FOCAD: variants seen among roughly 807,000 people sequenced by gnomAD.
FOCAD encodes the protein KIAA1797.
FOCAD carries 198 observed loss-of-function variants against 225.6 expected under a neutral mutation model. The ratio of observed to expected loss-of-function variants is 0.88; its 90% CI spans 0.78 to 0.99. The LOEUF (loss-of-function observed/expected upper bound fraction) is 0.99, where lower values mean the gene tolerates loss of function less well. Ranked by LOEUF, FOCAD falls within the 50% of genes least tolerant of loss-of-function variation. The pLI, the probability that FOCAD is intolerant of heterozygous loss-of-function variation, is 0.00. For missense variants in FOCAD, 2,713 were observed against 2,123.6 expected, an observed-to-expected ratio of 1.28 and a Z score of -5.46; for synonymous variants, 897 against 755.0, an observed-to-expected ratio of 1.19 and a Z score of -3.08.
At chr9:20,830,027 A>T (rs188404095) in intron 15 of FOCAD, among the ~76,000 whole-genome samples, 20 of 152,214 alleles carry the variant, frequency 1.3e-4, no homozygotes, top group South Asian at 6.2e-4. Flanking sequence ...AATTGCCCAA[A>T]TTCATACAAC....
At chr9:20,815,936 A>G (rs1823685475) in intron 11 of FOCAD, among the ~76,000 whole-genome samples, 1 of 152,164 alleles carries the variant, frequency 6.6e-6, no homozygotes, top group South Asian at 2.1e-4. Flanking sequence ...ATGTCTATCT[A>G]TATCTGTGTT....
At chr9:20,666,965 A>C (rs1563864705) in intron 2 of FOCAD, among the ~76,000 whole-genome samples, 1 of 152,138 alleles carries the variant, frequency 6.6e-6, no homozygotes, top group African/African-American at 2.4e-5. Flanking sequence ...TGGCAAAAAC[A>C]AACAAACAAA....
chr9:20,666,346 G>A (rs1821899370), intron 2 of FOCAD, among the ~76,000 whole-genome samples: 1 of 152,148 alleles, frequency 6.6e-6, no homozygotes, highest in Non-Finnish European at 1.5e-5. Context: ...TGAGGTGGAA[G>A]ATTGCTTGAG....
At position 20,695,281 on chromosome 9, in the gene FOCAD, CT is replaced by C. The variant is rs377073498; in HGVS notation, c.-33+10992del. On this transcript the variant is annotated intron_variant, in intron 1 of 43. Transcript: ENST00000338382. ...GAGGATACAATGTGTGGTATTCTTA[CT>C]TTTAGTGATGCTAAGATGAATCAAT... is the stretch of plus-strand genomic sequence containing the variant. 2.3e-4 allele frequency among the ~76,000 whole-genome samples: 35 copies of C among 152,206 alleles called. No individual in the cohort carries two copies. The East Asian group carries it at 5.6e-3, about 24-fold the overall frequency.
chr9:20,923,901 A>G (rs1587624975), intron 25 of FOCAD, 133 bp downstream of exon 25: 2 of 643,094 alleles, frequency 3.1e-6, no homozygotes, highest in Non-Finnish European at 2.7e-6. Flanking sequence ...ATGGGCCTTT[A>G]TACTGTGAGC....
At chr9:20,972,960 C>G (rs1362790122) in intron 35 of FOCAD, among the ~76,000 whole-genome samples, 1 of 150,308 alleles carries the variant, frequency 6.7e-6, no homozygotes, top group Non-Finnish European at 1.5e-5. Context: ...CTTCTGCTTT[C>G]TGCAGCTGAT....
intron 26 of FOCAD, among the ~76,000 whole-genome samples, chr9:20,927,340 C>G (rs1430739194): frequency 2.0e-5 from 3 of 152,044 alleles, no homozygotes; most frequent in Non-Finnish European, 4.4e-5. Flanking sequence ...CCTTGCTCCC[C>G]ACTTCTTGTT....
chr9:20,890,711 T>C (rs965741767), intron 21 of FOCAD, among the ~76,000 whole-genome samples: 1 of 152,186 alleles, frequency 6.6e-6, no homozygotes, highest in African/African-American at 2.4e-5. Flanking sequence ...TTCCCCTCTT[T>C]TTTATTTCCC....
chr9:20,857,941 C>T (rs962187916), intron 15 of FOCAD, among the ~76,000 whole-genome samples: 2 of 151,902 alleles, frequency 1.3e-5, no homozygotes, highest in African/African-American at 4.8e-5. Flanking sequence ...TGGGATGAAT[C>T]CTACTTGATC....
chr9:20,691,985 A>G (rs544222701), intron 1 of FOCAD, among the ~76,000 whole-genome samples: 1 of 151,560 alleles, frequency 6.6e-6, no homozygotes, highest in South Asian at 2.1e-4. Context: ...GATCTCGAAA[A>G]ATGATCCACC....
At chr9:20,778,499 C>T (rs923021822) in intron 8 of FOCAD, among the ~76,000 whole-genome samples, 182 bp from the exon 9 acceptor site, 44 of 152,218 alleles carry the variant, frequency 2.9e-4, no homozygotes, top group Non-Finnish European at 1.2e-4. Flanking sequence ...GCGTTACAGG[C>T]GTGAGCTGCC....
At chr9:20,785,664 G>T (rs951691210) in intron 10 of FOCAD, among the ~76,000 whole-genome samples, 1 of 151,942 alleles carries the variant, frequency 6.6e-6, no homozygotes, top group East Asian at 1.9e-4. Flanking sequence ...TTCTTTTGTT[G>T]ACGAACTTTT....
At chr9:20,842,457 C>A (rs1490780049) in intron 15 of FOCAD, among the ~76,000 whole-genome samples, 1 of 151,816 alleles carries the variant, frequency 6.6e-6, no homozygotes, top group Admixed American at 6.6e-5. Flanking sequence ...GTTTTTTTAT[C>A]CTCATGCTGC....
intron 9 of FOCAD, among the ~76,000 whole-genome samples, chr9:20,780,916 A>C (rs1314861820): frequency 6.6e-6 from 1 of 152,226 alleles, no homozygotes; most frequent in Non-Finnish European, 1.5e-5. Flanking sequence ...CCTCCAGATG[A>C]TGTAAAATAG....
rs145299261 is a variant in FOCAD at position 20,990,194 on chromosome 9, C to T, written c.5076C>T (p.Leu1692=). ...VAWADHTAPL[L]LGLSASWLPW... ...GGGCTGACCACACTGCCCCTCTCCT[C>T]CTCGGCCTCAGTGCCAGTTGGTTGC... Residue 1692 remains leucine, a synonymous_variant, in exon 42 of 44, where the codon CTC becomes CTT. Coordinates refer to ENST00000338382, the MANE Select transcript of FOCAD (RefSeq NM_001375567.1). The T allele has an allele frequency of 1.2e-6, 2 of 1,614,114 alleles. No individual in the cohort carries two copies. Among genetic ancestry groups the T allele is most frequent in the Admixed American group, 3.3e-5 (2 of 60,018 alleles).
chr9:20,683,080 A>G (rs937711058), upstream of FOCAD, among the ~76,000 whole-genome samples: 1 of 152,134 alleles, frequency 6.6e-6, no homozygotes, highest in African/African-American at 2.4e-5. Flanking sequence ...ATTAATTTAG[A>G]TAAATTCTTA....
At chr9:20,825,477 T>A (rs991785232) in intron 15 of FOCAD, among the ~76,000 whole-genome samples, 2 of 152,072 alleles carry the variant, frequency 1.3e-5, no homozygotes, top group Admixed American at 1.3e-4. Context: ...TGTCTATCTG[T>A]TACTGTTTAG....
intron 2 of FOCAD, among the ~76,000 whole-genome samples, chr9:20,659,022 C>T (rs1193971514): frequency 6.6e-6 from 1 of 152,124 alleles, no homozygotes; most frequent in East Asian, 1.9e-4. Context: ...AGTTCTAGAC[C>T]AGCCTAGCCA....
chr9:20,861,315 G>A (rs1451466642), intron 15 of FOCAD, among the ~76,000 whole-genome samples: 1 of 152,156 alleles, frequency 6.6e-6, no homozygotes, highest in African/African-American at 2.4e-5. Context: ...TGGGTATGCA[G>A]TTGTGCTGAA....
Sources: allele counts gnomAD v4.1 joint callset (sites outside exome capture counted in the v4.1 genomes callset), GRCh38; gene constraint gnomAD v4.1.1; transcripts MANE v1.5; gene names NCBI Gene and HGNC (gene_info 2026-07-23, HGNC 2026-07-21).